The following ISM1 variants were observed in gnomAD, a reference collection of about 807,000 sequenced individuals.
The protein encoded by ISM1 is isthmin-1.
In ISM1, 25 loss-of-function variants were observed where a neutral mutation model predicts 46.3. The ratio of observed to expected loss-of-function variants is 0.54; its 90% CI spans 0.39 to 0.75. ISM1 has a LOEUF of 0.75. Ranked by LOEUF, ISM1 falls within the 30% of genes least tolerant of loss-of-function variation. The pLI is 0.00. For synonymous variants in ISM1, 255 were observed against 256.7 expected (o/e 0.99, Z 0.06); for missense variants, 536 against 625.4 (o/e 0.86, Z 1.52).
At chr20:13,247,517 G>GGGGGGTGTGTGTGTGT (rs1183213178) in intron 1 of ISM1, among the ~76,000 whole-genome samples, 2 of 139,806 alleles carry the variant, frequency 1.4e-5, no homozygotes, top group African/African-American at 5.4e-5. Flanking sequence ...CAAAGTGAGG[G>GGGGGGTGTGTGTGTGT]GTGTGTGTGT....
chr20:13,325,115 C>A, the ISM1 span, among the ~76,000 whole-genome samples: 15 of 152,308 alleles, frequency 9.8e-5, no homozygotes, highest in African/African-American at 3.1e-4. Flanking sequence ...GAGAGCCACT[C>A]GACCTAAGTG....
At chr20:13,320,936 T>G in the ISM1 span, among the ~76,000 whole-genome samples, 2 of 152,250 alleles carry the variant, frequency 1.3e-5, no homozygotes, top group African/African-American at 4.8e-5. Context: ...CAGTGGCTCA[T>G]ACCTGTAATC....
chr20:13,273,417 G>T (rs569990377), intron 2 of ISM1, among the ~76,000 whole-genome samples: 2 of 151,560 alleles, frequency 1.3e-5, no homozygotes, highest in South Asian at 4.2e-4. Flanking sequence ...TTTATTTTTT[G>T]AAGAGACCAG....
chr20:13,314,496 A>G, the ISM1 span, among the ~76,000 whole-genome samples: 2 of 151,908 alleles, frequency 1.3e-5, no homozygotes, highest in African/African-American at 4.8e-5. Context: ...GAGAGAGAGA[A>G]AAAAAACCAC....
At chr20:13,284,846 T>C (rs1338805559) in intron 3 of ISM1, among the ~76,000 whole-genome samples, 1 of 152,242 alleles carries the variant, frequency 6.6e-6, no homozygotes, top group Non-Finnish European at 1.5e-5. Flanking sequence ...AAAATGGCTT[T>C]GTGAGCATTT....
intron 5 of ISM1, among the ~76,000 whole-genome samples, chr20:13,296,934 C>T (rs1463771236): frequency 6.6e-6 from 1 of 152,118 alleles, no homozygotes; most frequent in East Asian, 1.9e-4. Context: ...AGGAGAATTG[C>T]TTGAACCCGG....
intron 4 of ISM1, among the ~76,000 whole-genome samples, chr20:13,290,386 A>C (rs773918968): frequency 1.3e-5 from 2 of 152,258 alleles, no homozygotes; most frequent in Non-Finnish European, 2.9e-5. Context: ...GCGGTGGCTC[A>C]TGCCTGTAAT....
the ISM1 span, among the ~76,000 whole-genome samples, chr20:13,312,750 A>G: frequency 6.6e-6 from 1 of 152,154 alleles, no homozygotes; most frequent in South Asian, 2.1e-4. Context: ...CTGGGAAATC[A>G]TCACACTTAG....
At chr20:13,310,282 G>A in the ISM1 span, among the ~76,000 whole-genome samples, 1 of 152,170 alleles carries the variant, frequency 6.6e-6, no homozygotes, top group African/African-American at 2.4e-5. Flanking sequence ...CAAATTTGTG[G>A]TCAACTGATC....
At chr20:13,290,639 C>G (rs375920626) in intron 4 of ISM1, among the ~76,000 whole-genome samples, 2 of 151,740 alleles carry the variant, frequency 1.3e-5, no homozygotes, top group East Asian at 3.9e-4. Context: ...GCCCGGGCGA[C>G]AGAGCAAGAC....
chr20:13,225,929 G>C (rs2039519717), intron 1 of ISM1, among the ~76,000 whole-genome samples: 1 of 152,082 alleles, frequency 6.6e-6, no homozygotes, highest in Non-Finnish European at 1.5e-5. Flanking sequence ...ACAAAATATA[G>C]AATCCATAGG....
chr20:13,235,421 C>G (rs955515288), intron 1 of ISM1, among the ~76,000 whole-genome samples: 1 of 152,182 alleles, frequency 6.6e-6, no homozygotes, highest in Non-Finnish European at 1.5e-5. Flanking sequence ...AAGCAAAATC[C>G]TTACACTTCT....
intron 4 of ISM1, among the ~76,000 whole-genome samples, chr20:13,290,923 C>T (rs1225802763): frequency 3.3e-5 from 5 of 152,192 alleles, no homozygotes; most frequent in Non-Finnish European, 7.3e-5. Flanking sequence ...GAATTTGAAT[C>T]CGGACAGTCT....
the ISM1 span, among the ~76,000 whole-genome samples, chr20:13,314,464 G>A: frequency 1.3e-5 from 2 of 151,916 alleles, no homozygotes; most frequent in African/African-American, 4.8e-5. Context: ...ATAAAAGAGT[G>A]GAGTGAAACA....
At chr20:13,244,600 C>T (rs753247045) in intron 1 of ISM1, among the ~76,000 whole-genome samples, 3 of 152,172 alleles carry the variant, frequency 2.0e-5, no homozygotes, top group Non-Finnish European at 4.4e-5. Context: ...AAGGCTTATT[C>T]CAGTTCACAG....
In ISM1 at chr20:13,258,428, C is replaced by T. The variant is rs117581218; in HGVS notation, c.139-12076C>T. ...GAGCATCCTTGGTGGTTTCTGGGCA[C>T]TTTGTCCAGATATGTTAAATTGTTC... On this transcript the variant is annotated intron_variant, in intron 1 of 5. Coordinates refer to ENST00000262487, the MANE Select transcript of ISM1 (RefSeq NM_080826.2). Among the ~76,000 whole-genome samples the T allele has an allele frequency of 7.7e-3, 1,174 of 152,240 alleles. 8 individuals are homozygous for T. Among genetic ancestry groups the T allele is most frequent in the Non-Finnish European group, 0.012 (813 of 68,004 alleles).
At chr20:13,292,345 T>C (rs777038329) in intron 4 of ISM1, 29 bp from the exon 5 acceptor site, 3 of 1,441,298 alleles carry the variant, frequency 2.1e-6, no homozygotes, top group Non-Finnish European at 2.9e-6. Context: ...CATGTAATGA[T>C]GGAAAAATGA....
intron 1 of ISM1, among the ~76,000 whole-genome samples, chr20:13,252,674 G>C (rs527659440): frequency 6.6e-6 from 1 of 152,228 alleles, no homozygotes; most frequent in East Asian, 1.9e-4. Context: ...AGAATCGCTT[G>C]AACACGGGAG....
chr20:13,318,439 C>T, the ISM1 span, among the ~76,000 whole-genome samples: 49 of 152,096 alleles, frequency 3.2e-4, no homozygotes, highest in Admixed American at 2.6e-4. Context: ...TGAAATTAAA[C>T]GTACGCTTAC....
Sources: gnomAD v4.1 joint callset for allele counts (sites outside exome capture counted in the v4.1 genomes callset) on GRCh38, gnomAD v4.1.1 for gene constraint, MANE v1.5 for transcripts, NCBI Gene and HGNC (gene_info 2026-07-23, HGNC 2026-07-21) for gene names.